Variants in PRDM6 observed in about 807,000 individuals in gnomAD.
PRDM6 encodes the protein putative histone-lysine N-methyltransferase PRDM6.
A neutral mutation model predicts 60.8 loss-of-function variants in PRDM6; 25 were observed. The observed-to-expected ratio is 0.41, with a 90% confidence interval of 0.30 to 0.57. PRDM6 has a LOEUF of 0.57. Ranked by LOEUF, PRDM6 falls within the 20% of genes least tolerant of loss-of-function variation. The pLI is 0.27. For synonymous variants in PRDM6, 407 were observed against 357.4 expected (o/e 1.14, Z -1.57); for missense variants, 839 against 821.3 (o/e 1.02, Z -0.26).
Position 123,125,157 on chromosome 5 carries a change from C to G in PRDM6, c.900+25196C>G, listed in dbSNP as rs1366618307. 1.0e-3 allele frequency among the ~76,000 whole-genome samples: 6 copies of G among 5,918 alleles called. No individual in the cohort carries two copies. The Admixed American group carries it at 0.012, about 12-fold the overall frequency. 3.9% of individuals were successfully genotyped at this position (5,918 alleles called of 152,430 possible). On this transcript the variant is annotated intron_variant, in intron 3 of 7. Transcript: ENST00000407847. ...AATTACATACCGCACCCCCTCCCCC[C>G]CACCCGCCGGCCCCGCCACACACAC...
chr5:123,148,510 AAC>A (rs1206532396), intron 3 of PRDM6, among the ~76,000 whole-genome samples: 8 of 152,206 alleles, frequency 5.3e-5, no homozygotes, highest in African/African-American at 1.2e-4. Context: ...TAAAAAGCTG[AAC>A]ACACATAATA....
In PRDM6 at chr5:123,099,767, G is replaced by C. The variant is rs1483745068; in HGVS notation, c.706G>C (p.Glu236Gln). The C allele has an allele frequency of 3.9e-6, 6 of 1,547,334 alleles. No individual in the cohort carries two copies. Among genetic ancestry groups the C allele is most frequent in the Non-Finnish European group, 4.4e-6 (5 of 1,145,392 alleles). ...SSAAAAAPPP[E>Q]LPEWLRDLPR... is the part of the protein sequence containing the mutation. ...CGCTGCGGCCGCCGCGCCCCCGCCG[G>C]AGCTGCCGGAGTGGCTGCGGGACCT... The change falls in exon 3 of 8, where the codon GAG (glutamate) becomes CAG (glutamine). Residue 236 changes from glutamate to glutamine, a missense_variant. Transcript: ENST00000407847. This position sits in a 1 kb window ranked among gnomAD's most constrained non-coding sequence, Gnocchi z 4.0.
chr5:123,171,726 A>T (rs556737355), intron 6 of PRDM6, among the ~76,000 whole-genome samples: 8 of 152,330 alleles, frequency 5.3e-5, no homozygotes, highest in African/African-American at 1.9e-4. Context: ...TTGGTTTGAA[A>T]GTTTGTCAAT....
chr5:123,132,104 C>A (rs1006281227), intron 3 of PRDM6, among the ~76,000 whole-genome samples: 4 of 152,100 alleles, frequency 2.6e-5, no homozygotes, highest in African/African-American at 9.7e-5. Context: ...AGACATATCC[C>A]CTTCTGACGT....
intron 3 of PRDM6, among the ~76,000 whole-genome samples, chr5:123,129,221 G>T (rs1580501724): frequency 6.6e-6 from 1 of 151,998 alleles, no homozygotes; most frequent in South Asian, 2.1e-4. Context: ...TTGTTCTTTT[G>T]GCTTAGGATT....
chr5:123,159,391 T>C, intron 4 of PRDM6, 123 bp from the exon 5 acceptor site: 1 of 1,111,340 alleles, frequency 9.0e-7, no homozygotes, highest in Non-Finnish European at 1.3e-6. Flanking sequence ...TGGATGTAAA[T>C]TTATTACAAA....
rs548769538 is a variant in PRDM6, at chr5:123,112,837, T to C, written c.900+12876T>C. Among the ~76,000 whole-genome samples, 169 of 145,328 alleles carry C rather than the reference T, an allele frequency of 1.2e-3. 5 individuals carry two copies. In the South Asian group the frequency reaches 0.038, roughly 33 times the overall value. ...TATGCTGTATTCTTCTTTTATTTCATGTGTGCAAATTTAAATTTATGAAGT... is the reference window on the plus strand; with the variant it reads ...TATGCTGTATTCTTCTTTTATTTCACGTGTGCAAATTTAAATTTATGAAGT... On this transcript the variant is annotated intron_variant, in intron 3 of 7. Transcript: ENST00000407847.
At chr5:123,145,164 C>G (rs1020183368) in intron 3 of PRDM6, among the ~76,000 whole-genome samples, 2 of 152,174 alleles carry the variant, frequency 1.3e-5, no homozygotes, top group African/African-American at 4.8e-5. Context: ...TCTTTAAGTC[C>G]TGAGGTCCTT....
intron 3 of PRDM6, among the ~76,000 whole-genome samples, chr5:123,125,911 C>T (rs913733319): frequency 6.6e-6 from 1 of 151,716 alleles, no homozygotes; most frequent in Non-Finnish European, 1.5e-5. Context: ...TGGAGAACAA[C>T]ATATGTAAGC....
chr5:123,149,698 C>A (rs534426674), intron 3 of PRDM6, among the ~76,000 whole-genome samples: 3 of 152,206 alleles, frequency 2.0e-5, no homozygotes, highest in Non-Finnish European at 2.9e-5. Flanking sequence ...CATTCATATA[C>A]CATTTCTTAT....
At chr5:123,140,020 G>C (rs143168115) in intron 3 of PRDM6, among the ~76,000 whole-genome samples, 11 of 152,090 alleles carry the variant, frequency 7.2e-5, no homozygotes, top group Admixed American at 7.2e-4. Flanking sequence ...TGATTTTTCT[G>C]TGTAAATGAA....
At chr5:123,101,279 T>G (rs335164) in intron 3 of PRDM6, among the ~76,000 whole-genome samples, 17,727 of 152,128 alleles carry the variant, frequency 0.12, 1,198 homozygotes, top group East Asian at 0.27. Flanking sequence ...CTGAGGCCTG[T>G]GTCTGCAAAG....
intron 3 of PRDM6, among the ~76,000 whole-genome samples, chr5:123,108,514 A>C (rs528436265): frequency 6.6e-6 from 1 of 152,284 alleles, no homozygotes; most frequent in East Asian, 1.9e-4. Flanking sequence ...ACTAATATTA[A>C]AATTTATTTA....
chr5:123,155,256 GTC>G (rs549552307), intron 3 of PRDM6, among the ~76,000 whole-genome samples: 1 of 138,564 alleles, frequency 7.2e-6, no homozygotes, highest in Non-Finnish European at 1.5e-5. Context: ...TTTTTTGAGG[GTC>G]TCTCTTTTTT....
intron 3 of PRDM6, among the ~76,000 whole-genome samples, chr5:123,147,575 A>T (rs1317955575): frequency 6.6e-6 from 1 of 152,212 alleles, no homozygotes; most frequent in Admixed American, 6.5e-5. Context: ...ATTTGGATGG[A>T]TAAAATTTTT....
At chr5:123,103,950 G>C (rs1764153880) in intron 3 of PRDM6, among the ~76,000 whole-genome samples, 1 of 152,052 alleles carries the variant, frequency 6.6e-6, no homozygotes, top group African/African-American at 2.4e-5. Context: ...TAAGATACTA[G>C]AAAGGGCTTT....
At chr5:123,177,353 G>A (rs985937581) in intron 6 of PRDM6, among the ~76,000 whole-genome samples, 3 of 152,172 alleles carry the variant, frequency 2.0e-5, no homozygotes, top group African/African-American at 7.2e-5. Context: ...GGCTGAAAGA[G>A]ACACTGTTAT....
At chr5:123,101,741 C>CA (rs1262571978) in intron 3 of PRDM6, among the ~76,000 whole-genome samples, 1 of 152,134 alleles carries the variant, frequency 6.6e-6, no homozygotes, top group African/African-American at 2.4e-5. Context: ...TTTTCCCCCC[C>CA]AGAAGGCTTT....
At chr5:123,112,783 CTTTTTTTTTTTTT>C (rs537426568) in intron 3 of PRDM6, among the ~76,000 whole-genome samples, 3 of 47,510 alleles carry the variant, frequency 6.3e-5, no homozygotes, top group East Asian at 5.0e-4. Context: ...TCTAATGGCT[CTTTTTTTTTTTTT>C]TTTTTTTTTT....
Sources: allele counts gnomAD v4.1 joint callset (sites outside exome capture counted in the v4.1 genomes callset), GRCh38; gene constraint gnomAD v4.1.1; non-coding constraint Gnocchi (gnomAD v3.1); transcripts MANE v1.5; gene names NCBI Gene and HGNC (gene_info 2026-07-23, HGNC 2026-07-21).